NXN: variants seen among roughly 807,000 people sequenced by gnomAD.
NXN encodes the protein nucleoredoxin.
In NXN, 16 loss-of-function variants were observed where a neutral mutation model predicts 48.6. That is an observed-to-expected ratio of 0.33 (90% CI 0.22 to 0.50). The LOEUF (loss-of-function observed/expected upper bound fraction) is 0.50, where lower values mean the gene tolerates loss of function less well. Among genes scored for constraint, NXN ranks in the 20% least tolerant of loss-of-function variants. The pLI, the probability that NXN is intolerant of heterozygous loss-of-function variation, is 0.98. For missense variants in NXN, 492 were observed against 605.5 expected, an observed-to-expected ratio of 0.81 and a Z score of 1.97; for synonymous variants, 281 against 269.6, an observed-to-expected ratio of 1.04 and a Z score of -0.41.
intron 1 of NXN, chr17:864,069 G>A: frequency 1.4e-6 from 2 of 1,463,948 alleles, no homozygotes; most frequent in South Asian, 1.3e-5. Context: ...TCCGGTGAAG[G>A]GGCACAGTTA....
At chr17:902,058 C>T (rs1227058564) in intron 1 of NXN, among the ~76,000 whole-genome samples, 1 of 152,144 alleles carries the variant, frequency 6.6e-6, no homozygotes, top group Admixed American at 6.6e-5. Flanking sequence ...GCTGGACAGC[C>T]ACACGGTCCA....
At chr17:964,389 G>A (rs903531162) in intron 1 of NXN, among the ~76,000 whole-genome samples, 4 of 152,168 alleles carry the variant, frequency 2.6e-5, no homozygotes, top group Non-Finnish European at 5.9e-5. Flanking sequence ...TTCAAAAAGC[G>A]CTTCAGAACT....
intron 1 of NXN, among the ~76,000 whole-genome samples, chr17:946,343 A>G (rs1033828857): frequency 2.0e-5 from 3 of 152,076 alleles, no homozygotes; most frequent in Admixed American, 6.6e-5. Context: ...TAATTTTTGC[A>G]TTTTTAGTAG....
chr17:905,938 T>C (rs1017565228), intron 1 of NXN, among the ~76,000 whole-genome samples: 12 of 151,576 alleles, frequency 7.9e-5, no homozygotes, highest in African/African-American at 2.4e-4. Flanking sequence ...AATCGTGCCA[T>C]TGTACTCCAG....
At chr17:930,590 A>G (rs2068843144) in intron 1 of NXN, among the ~76,000 whole-genome samples, 1 of 152,156 alleles carries the variant, frequency 6.6e-6, no homozygotes. Flanking sequence ...TGACAAAGCT[A>G]AAGGTACAAA....
At chr17:948,713 C>G (rs879484953) in intron 1 of NXN, among the ~76,000 whole-genome samples, 2 of 151,846 alleles carry the variant, frequency 1.3e-5, no homozygotes, top group Admixed American at 6.6e-5. Flanking sequence ...CACCCCGGCC[C>G]GTCCCGCCCC....
rs1478797705 is a variant in NXN at position 932,398 on chromosome 17, G to C, written c.360+46921C>G. ...GGACCTACCAAGTCAAGAACTCTGG[G>C]ATGGGGCCCAGGAATCCGCATTTAA... On this transcript the variant is annotated intron_variant, in intron 1 of 7. Coordinates refer to ENST00000336868, the MANE Select transcript of NXN (RefSeq NM_022463.5). This position sits in a 1 kb window ranked among gnomAD's most constrained non-coding sequence, Gnocchi z 4.1. Among the ~76,000 whole-genome samples the C allele has an allele frequency of 1.3e-5, 2 of 152,170 alleles. No individual in the cohort carries two copies. Among genetic ancestry groups the C allele is most frequent in the Non-Finnish European group, 2.9e-5 (2 of 68,026 alleles).
chr17:885,494 A>C (rs1261406552), intron 1 of NXN, among the ~76,000 whole-genome samples: 3 of 143,828 alleles, frequency 2.1e-5, no homozygotes, highest in African/African-American at 8.4e-5. Flanking sequence ...AAGAAAAGAA[A>C]AGGAAAAAAA....
At chr17:848,015 G>T (rs144326557) in intron 1 of NXN, among the ~76,000 whole-genome samples, 2 of 152,032 alleles carry the variant, frequency 1.3e-5, no homozygotes, top group African/African-American at 2.4e-5. Context: ...GTTACAAAAC[G>T]GGGCGAGTGA....
intron 1 of NXN, among the ~76,000 whole-genome samples, chr17:938,506 C>G (rs1265262402): frequency 6.6e-6 from 1 of 151,510 alleles, no homozygotes; most frequent in Non-Finnish European, 1.5e-5. Flanking sequence ...ATGGCGAAAC[C>G]CCCGTCTCTA....
chr17:812,823 AGTGTGCATGTGTGAGTGTAGGT>A (rs1203766318), intron 5 of NXN, among the ~76,000 whole-genome samples: 10 of 122,140 alleles, frequency 8.2e-5, no homozygotes, highest in African/African-American at 1.9e-4. Flanking sequence ...TGTGTGTGCG[AGTGTGCATGTGTGAGTGTAGGT>A]GTGTGCATGT....
Position 849,676 on chromosome 17 carries a change from G to A in NXN, c.361-23598C>T, listed in dbSNP as rs140186674. Reference sequence around the variant, plus strand: ...CCAGCTGCCTCATCCCTTTACCTCCGCAGACAAGCAATCATCATTTCCTAA... The same window carrying A: ...CCAGCTGCCTCATCCCTTTACCTCCACAGACAAGCAATCATCATTTCCTAA... On this transcript the variant is annotated intron_variant, in intron 1 of 7. Transcript: ENST00000336868. The surrounding 1 kb of genome is among the most constrained non-coding windows in gnomAD (Gnocchi z 4.2). Among the ~76,000 whole-genome samples, 32 of 152,230 alleles carry A rather than the reference G, an allele frequency of 2.1e-4. No homozygotes were observed. Among genetic ancestry groups the A allele is most frequent in the Non-Finnish European group, 4.0e-4 (27 of 68,006 alleles).
At position 979,714 on chromosome 17, in the gene NXN, C is replaced by A. The variant is rs780046395; in HGVS notation, c.-36G>T. On this transcript the variant is annotated 5_prime_UTR_variant, in exon 1 of 8. Transcript: ENST00000336868. Reference sequence around the variant, plus strand: ...CGCAGGGCGGGCAGGCGGCTGCGACCCCGCTCCACGGTCCGCGCGGCGGGA... The same window carrying A: ...CGCAGGGCGGGCAGGCGGCTGCGACACCGCTCCACGGTCCGCGCGGCGGGA... 3.0e-6 allele frequency: 4 copies of A among 1,327,346 alleles called. No individual in the cohort carries two copies. In the Admixed American group the frequency reaches 1.5e-4, roughly 49 times the overall value. 82.2% of individuals were successfully genotyped at this position (1,327,346 alleles called of 1,614,324 possible).
Position 897,506 on chromosome 17 carries a change from G to A in NXN, c.361-71428C>T, listed in dbSNP as rs758195237. 3.3e-5 allele frequency among the ~76,000 whole-genome samples: 5 copies of A among 152,122 alleles called. 1 individual carries two copies. Among genetic ancestry groups the A allele is most frequent in the South Asian group, 2.1e-4 (1 of 4,830 alleles). On this transcript the variant is annotated intron_variant, in intron 1 of 7. Transcript: ENST00000336868. ...AATTGAATAAGGGAAGGAAAATGCCGGGCGGCCTCATTCACGTCCGGCATG... is the reference window on the plus strand; with the variant it reads ...AATTGAATAAGGGAAGGAAAATGCCAGGCGGCCTCATTCACGTCCGGCATG...
chr17:919,352 ACT>A lies in NXN; in HGVS notation c.360+59965_360+59966del, dbSNP rs777867304. 1.8e-3 allele frequency among the ~76,000 whole-genome samples: 275 copies of A among 149,244 alleles called. No homozygotes were observed. Among genetic ancestry groups the A allele is most frequent in the Non-Finnish European group, 3.4e-3 (230 of 67,128 alleles). Reference sequence around the variant, plus strand: ...TACTCCAGCCTGGTGACAGAGTGAGACTCTGTCTCAAAACAAAACAAAAAAAA... The same window carrying A: ...TACTCCAGCCTGGTGACAGAGTGAGACTGTCTCAAAACAAAACAAAAAAAA... On this transcript the variant is annotated intron_variant, in intron 1 of 7. Coordinates refer to ENST00000336868, the MANE Select transcript of NXN (RefSeq NM_022463.5). The surrounding 1 kb of genome is among the most constrained non-coding windows in gnomAD (Gnocchi z 5.1).
chr17:957,449 T>C (rs1354878796), intron 1 of NXN, among the ~76,000 whole-genome samples: 4 of 152,060 alleles, frequency 2.6e-5, no homozygotes, highest in African/African-American at 9.7e-5. Context: ...CTGGCCAAGA[T>C]GGCGAAACAC....
intron 1 of NXN, among the ~76,000 whole-genome samples, chr17:944,952 A>C (rs889941514): frequency 1.3e-5 from 2 of 152,146 alleles, no homozygotes; most frequent in South Asian, 2.1e-4. Flanking sequence ...AACTGGGTAC[A>C]TAATGGATTT....
intron 1 of NXN, among the ~76,000 whole-genome samples, chr17:838,565 G>T (rs1913958760): frequency 1.3e-5 from 2 of 152,222 alleles, no homozygotes; most frequent in South Asian, 2.1e-4. Flanking sequence ...CGCCGAGTCG[G>T]CTTTCAAAAA....
intron 1 of NXN, among the ~76,000 whole-genome samples, chr17:961,905 C>T (rs1567521401): frequency 2.0e-5 from 3 of 152,090 alleles, no homozygotes; most frequent in South Asian, 2.1e-4. Flanking sequence ...CAGGTGGAGG[C>T]GGGTGGATCA....
Sources: gnomAD v4.1 joint callset for allele counts (sites outside exome capture counted in the v4.1 genomes callset) on GRCh38, gnomAD v4.1.1 for gene constraint, Gnocchi (gnomAD v3.1) non-coding constraint, MANE v1.5 for transcripts, NCBI Gene and HGNC (gene_info 2026-07-23, HGNC 2026-07-21) for gene names.